Variants in ZNF75D observed in about 807,000 individuals in gnomAD.
ZNF75D encodes the protein zinc finger protein 75.
In ZNF75D, 33 loss-of-function variants were observed where a neutral mutation model predicts 33.3. That is an observed-to-expected ratio of 0.99 (90% confidence interval 0.75 to 1.32). The LOEUF (loss-of-function observed/expected upper bound fraction) is 1.32. ZNF75D is among the 40% of genes most tolerant of loss of function. The pLI is 0.00. For missense variants in ZNF75D, 338 were observed against 367.5 expected, an observed-to-expected ratio of 0.92 and a Z score of 0.66; for synonymous variants, 113 against 130.6, an observed-to-expected ratio of 0.87 and a Z score of 0.92.
At chrX:135,290,429 A>T (rs1556420911) in intron 6 of ZNF75D, among the ~76,000 whole-genome samples, 1 of 112,546 alleles carries the variant, frequency 8.9e-6, no homozygotes. Context: ...TAACAAGGCA[A>T]CCTGACCTGC....
chrX:135,253,730 A>G lies in ZNF75D; in HGVS notation n.1151-1719T>C. ...GGGAGAGGGTGAGATCATGCTGCAC[A>G]CCAGATCTCTCCCACCATCAATCTG... On this transcript the variant is annotated intron_variant and non_coding_transcript_variant, in intron 2 of 3. Transcript: ENST00000494295. 2 of 222,438 alleles carry G rather than the reference A, an allele frequency of 9.0e-6. 1 individual carries two copies. The highest frequency in any genetic ancestry group is 6.0e-4 in the South Asian group (2 of 3,360). 18.3% of individuals were successfully genotyped at this position (222,438 alleles called of 1,213,427 possible).
chrX:135,285,691 C>G (rs1459433819), downstream of ZNF75D: 1 of 111,525 alleles, frequency 9.0e-6, no homozygotes, highest in East Asian at 2.8e-4. Context: ...AATTATAATC[C>G]TCATTTTATA....
chrX:135,309,350 C>T lies in ZNF75D; in HGVS notation c.-390-13311G>A, dbSNP rs2084329430. On this transcript the variant is annotated intron_variant, in intron 1 of 6. Transcript: ENST00000370766. ...TTGGCATTTCAAATCAGATGATGGC[C>T]CAAAGTGTGTGTGGGTGTGTGGCAG... 1.0e-5 allele frequency: 3 copies of T among 286,353 alleles called. No individual in the cohort carries two copies. In the South Asian group the frequency reaches 7.2e-4, roughly 69 times the overall value. The allele number at this position is 286,353 out of a possible 1,213,427, so 23.6% of individuals were successfully genotyped here. A position where few individuals can be genotyped will look rare whatever the true frequency, so the allele number is the denominator to read the frequency against.
intron 1 of ZNF75D, among the ~76,000 whole-genome samples, chrX:135,304,839 A>G (rs1366780539): frequency 1.8e-5 from 2 of 112,857 alleles, no homozygotes; most frequent in African/African-American, 6.4e-5. Context: ...AGATTCTGAC[A>G]CTGACTTACA....
intron 1 of ZNF75D, among the ~76,000 whole-genome samples, chrX:135,331,493 C>T (rs1204071406): frequency 1.8e-5 from 2 of 109,964 alleles, no homozygotes; most frequent in Non-Finnish European, 3.8e-5. Context: ...AGTGAGAGCT[C>T]AAGCTGAAGA....
At chrX:135,280,857 G>A (rs782151467), downstream of ZNF75D, among the ~76,000 whole-genome samples, 80 of 112,160 alleles carry the variant, frequency 7.1e-4, no homozygotes, top group African/African-American at 2.6e-3. Flanking sequence ...CAAGAGATCC[G>A]CTGTTAGTCT....
At chrX:135,292,251 G>C (rs782480564) in intron 4 of ZNF75D, 30 bp downstream of exon 4, 15 of 1,187,360 alleles carry the variant, frequency 1.3e-5, no homozygotes, top group Non-Finnish European at 1.7e-5. Context: ...ACAGCTCCCA[G>C]GAGAAGACAA....
chrX:135,313,329 C>G (rs2084381918), intron 1 of ZNF75D, among the ~76,000 whole-genome samples: 1 of 111,596 alleles, frequency 9.0e-6, no homozygotes, highest in African/African-American at 3.3e-5. Context: ...TCAGAGTTCT[C>G]TATACATTGG....
At chrX:135,322,496 TTCTC>T (rs1168278819) in intron 1 of ZNF75D, among the ~76,000 whole-genome samples, 3 of 112,122 alleles carry the variant, frequency 2.7e-5, no homozygotes, top group Non-Finnish European at 5.6e-5. Context: ...AATTACCACT[TTCTC>T]TCTTTCTCTC....
At chrX:135,336,183 C>T (rs1556442353) in intron 1 of ZNF75D, among the ~76,000 whole-genome samples, 2 of 111,216 alleles carry the variant, frequency 1.8e-5, no homozygotes, top group Non-Finnish European at 3.8e-5. Context: ...GAGTCCCCTA[C>T]CCATTTGTGC....
chrX:135,287,017 T>C lies in ZNF75D; in HGVS notation c.*120A>G. 1.7e-6 allele frequency: 1 copy of C among 583,112 alleles called. No homozygotes were observed. The allele number at this position is 583,112 out of a possible 1,213,427, so 48.1% of individuals were successfully genotyped here. A position where few individuals can be genotyped will look rare whatever the true frequency, so the allele number is the denominator to read the frequency against. ...AACAGACAGCTTAGATTCCTTTTTG[T>C]GAAGTGTAACATGTACCCTTCCCAA... On this transcript the variant is annotated 3_prime_UTR_variant, in exon 7 of 7. Transcript: ENST00000370766.
intron 4 of ZNF75D, 46 bp downstream of exon 4, chrX:135,292,235 A>G: frequency 8.7e-7 from 1 of 1,147,339 alleles, no homozygotes; most frequent in South Asian, 1.9e-5. Context: ...TGAACTAATT[A>G]CTACCACAGC....
downstream of ZNF75D, among the ~76,000 whole-genome samples, chrX:135,281,594 T>C (rs180774321): frequency 3.6e-5 from 4 of 112,083 alleles, no homozygotes; most frequent in Non-Finnish European, 7.5e-5. Context: ...TTCAGCCTTT[T>C]TGTGCTGTTT....
intron 1 of ZNF75D, among the ~76,000 whole-genome samples, chrX:135,319,314 C>A (rs2084467431): frequency 8.9e-6 from 1 of 112,346 alleles, no homozygotes; most frequent in Non-Finnish European, 1.9e-5. Context: ...TTATGTTCTT[C>A]TAATTAATTA....
intron 1 of ZNF75D, among the ~76,000 whole-genome samples, chrX:135,270,352 CATATATATATATATATAT>C (rs530211370): frequency 2.1e-3 from 136 of 63,503 alleles, no homozygotes; most frequent in African/African-American, 5.9e-3. Context: ...CAAAATATCT[CATATATATATATATATAT>C]ATATATATAT....
rs2083958435 is a variant in ZNF75D, at chrX:135,286,722, C to A, written c.*415G>T. ...TAATTTAGTAATTCTCTCTGAGCTCCCTTAAGAGGGCCCAAGTACTCTTAT... is the reference window on the plus strand; with the variant it reads ...TAATTTAGTAATTCTCTCTGAGCTCACTTAAGAGGGCCCAAGTACTCTTAT... On this transcript the variant is annotated 3_prime_UTR_variant, in exon 7 of 7. Coordinates refer to ENST00000370766, the MANE Select transcript of ZNF75D (RefSeq NM_007131.5). The A allele has an allele frequency of 7.8e-6, 1 of 128,018 alleles. No homozygotes were observed. Among genetic ancestry groups the A allele is most frequent in the South Asian group, 3.0e-4 (1 of 3,296 alleles). 10.6% of individuals were successfully genotyped at this position (128,018 alleles called of 1,213,427 possible).
In ZNF75D at chrX:135,293,967, A is replaced by T; in HGVS notation, c.174T>A (p.His58Gln). The stretch of plus-strand genomic sequence containing the variant: ...TAGTCTCAAGCGGTCCGGTTGCTTC[A>T]TGATAACGGAAGCTCCAGAAGTGCC... ...ACRHFWSFRY[H>Q]EATGPLETIS... The change falls in exon 3 of 7, where the codon CAT becomes CAA. Residue 58 changes from histidine to glutamine, a missense_variant. Transcript: ENST00000370766. 1 of 1,211,827 alleles carries T rather than the reference A, an allele frequency of 8.3e-7. No individual in the cohort carries two copies. Among genetic ancestry groups the T allele is most frequent in the Non-Finnish European group, 1.1e-6 (1 of 895,429 alleles).
At chrX:135,258,132 G>C (rs890299737) in intron 1 of ZNF75D, among the ~76,000 whole-genome samples, 1 of 101,794 alleles carries the variant, frequency 9.8e-6, no homozygotes, top group African/African-American at 3.3e-5. Context: ...TCCCTACAAA[G>C]GACATGAACT....
intron 1 of ZNF75D, among the ~76,000 whole-genome samples, chrX:135,340,193 T>A (rs368439376): frequency 8.9e-6 from 1 of 112,478 alleles, no homozygotes; most frequent in African/African-American, 3.2e-5. Flanking sequence ...TTCCTACATA[T>A]GGAAAAGTTG....
Sources: gnomAD v4.1 joint callset for allele counts (sites outside exome capture counted in the v4.1 genomes callset) on GRCh38, gnomAD v4.1.1 for gene constraint, MANE v1.5 for transcripts, NCBI Gene and HGNC (gene_info 2026-07-23, HGNC 2026-07-21) for gene names.